The following LRRC49 variants were observed in gnomAD, a reference collection of about 807,000 sequenced individuals.
LRRC49 encodes the protein leucine rich repeat containing 49, also known as leucine-rich repeat-containing protein 49.
In LRRC49, 50 loss-of-function variants were observed where a neutral mutation model predicts 83.3. The ratio of observed to expected loss-of-function variants is 0.60; its 90% confidence interval spans 0.48 to 0.76. The LOEUF (loss-of-function observed/expected upper bound fraction) is 0.76, where lower values mean the gene tolerates loss of function less well. Ranked by LOEUF, LRRC49 falls within the 30% of genes least tolerant of loss-of-function variation. The probability of loss-of-function intolerance (pLI) is 0.00; values close to 1 mark genes in which losing one functional copy is unlikely to be tolerated. For synonymous variants in LRRC49, 286 were observed against 283.3 expected, an observed-to-expected ratio of 1.01 and a Z score of -0.10; for missense variants, 704 against 809.1, an observed-to-expected ratio of 0.87 and a Z score of 1.58.
At chr15:70,947,936 C>T (rs889803212) in intron 8 of LRRC49, among the ~76,000 whole-genome samples, 2 of 152,106 alleles carry the variant, frequency 1.3e-5, no homozygotes, top group African/African-American at 4.8e-5. Context: ...AATGGGTTTA[C>T]TACAGGAAAG....
rs528241300 is a variant in LRRC49 at position 70,936,384 on chromosome 15, C to A, written c.712-377C>A. 38 of 167,652 alleles carry A rather than the reference C, an allele frequency of 2.3e-4. No individual in the cohort carries two copies. In the South Asian group the frequency reaches 7.4e-3, roughly 33 times the overall value. The allele number at this position is 167,652 out of a possible 1,614,324, so 10.4% of individuals were successfully genotyped here. On this transcript the variant is annotated intron_variant, in intron 7 of 15. Transcript: ENST00000260382. ...AATTGTATAAATTTAAATGTTAAAGCTTTTGAATGGCTTCTTTTTAACAGT... is the reference window on the plus strand; with the variant it reads ...AATTGTATAAATTTAAATGTTAAAGATTTTGAATGGCTTCTTTTTAACAGT...
chr15:70,914,680 A>G (rs2034689419), intron 6 of LRRC49, among the ~76,000 whole-genome samples: 1 of 152,202 alleles, frequency 6.6e-6, no homozygotes, highest in African/African-American at 2.4e-5. Context: ...AGGAATTTCT[A>G]ACCTAGAGCT....
intron 11 of LRRC49, among the ~76,000 whole-genome samples, chr15:70,993,542 T>G (rs556341152): frequency 5.9e-5 from 9 of 152,334 alleles, no homozygotes; most frequent in African/African-American, 2.2e-4. Context: ...GTGTCAAGAA[T>G]AAAAATTCTA....
chr15:70,867,391 G>T (rs1175393493), intron 1 of LRRC49, among the ~76,000 whole-genome samples: 3 of 152,110 alleles, frequency 2.0e-5, no homozygotes, highest in Non-Finnish European at 4.4e-5. Flanking sequence ...TCACATCAGG[G>T]TGAAGAAGAC....
intron 1 of LRRC49, chr15:70,859,827 G>A (rs1376608345): frequency 2.1e-5 from 16 of 760,852 alleles, no homozygotes; most frequent in South Asian, 4.0e-5. Flanking sequence ...TGGCAGCTGC[G>A]TGAGTACCAG....
rs149075960 is a variant in LRRC49 at position 70,921,297 on chromosome 15, T to C, written c.711+2104T>C. ...ACTGCCATTTCTTTTTTCCCTCTGA[T>C]TCTTATGTAGAGGTGGTTAATAATC... is the stretch of plus-strand genomic sequence containing the variant. On this transcript the variant is annotated intron_variant, in intron 7 of 15. Transcript: ENST00000260382. 3.9e-5 allele frequency among the ~76,000 whole-genome samples: 6 copies of C among 152,304 alleles called. No homozygotes were observed. The East Asian group carries it at 1.2e-3, about 29-fold the overall frequency.
intron 2 of LRRC49, chr15:70,894,474 C>A: frequency 2.7e-6 from 1 of 368,688 alleles, no homozygotes; most frequent in Non-Finnish European, 4.9e-6. Context: ...GATTATTTCC[C>A]CATAATGTCT....
intron 9 of LRRC49, among the ~76,000 whole-genome samples, chr15:70,971,014 G>A (rs1157229302): frequency 6.6e-6 from 1 of 151,954 alleles, no homozygotes; most frequent in African/African-American, 2.4e-5. Context: ...GTTATTTCTT[G>A]TCTTCTACTA....
chr15:70,897,590 G>A (rs2033890670), intron 3 of LRRC49, among the ~76,000 whole-genome samples: 1 of 152,130 alleles, frequency 6.6e-6, no homozygotes. Flanking sequence ...ATCAGGAAAA[G>A]TTTAGGGATG....
chr15:70,898,379 A>G (rs1160956763), intron 3 of LRRC49: 1 of 700,820 alleles, frequency 1.4e-6, no homozygotes, highest in East Asian at 2.7e-5. Flanking sequence ...TTTACCAAGA[A>G]TATAAAGAAT....
intron 3 of LRRC49, among the ~76,000 whole-genome samples, chr15:70,897,666 C>G (rs1267188799): frequency 6.6e-6 from 1 of 152,094 alleles, no homozygotes; most frequent in East Asian, 1.9e-4. Flanking sequence ...TCTTATTTTT[C>G]AAAATTAATC....
chr15:70,863,243 A>T (rs2141070772), intron 1 of LRRC49, among the ~76,000 whole-genome samples: 1 of 152,352 alleles, frequency 6.6e-6, no homozygotes, highest in Non-Finnish European at 1.5e-5. Context: ...AATGAGTCAT[A>T]TCTCTGAAGA....
intron 15 of LRRC49, among the ~76,000 whole-genome samples, chr15:71,045,459 C>T (rs1252688367): frequency 6.6e-6 from 1 of 152,058 alleles, no homozygotes; most frequent in Non-Finnish European, 1.5e-5. Flanking sequence ...TATGCTTCTG[C>T]CTAAATAATT....
intron 8 of LRRC49, among the ~76,000 whole-genome samples, chr15:70,955,957 C>A (rs1021972707): frequency 1.3e-5 from 2 of 152,128 alleles, no homozygotes; most frequent in Admixed American, 1.3e-4. Context: ...TGTTCCATTT[C>A]ACTTCAGCCC....
chr15:71,047,045 G>A (rs958267599), intron 15 of LRRC49, among the ~76,000 whole-genome samples: 17 of 152,190 alleles, frequency 1.1e-4, no homozygotes, highest in African/African-American at 3.6e-4. Flanking sequence ...TCCATTGGTC[G>A]ATGTATCTGT....
At chr15:71,029,163 T>C (rs1481466376) in intron 14 of LRRC49, among the ~76,000 whole-genome samples, 4 of 152,220 alleles carry the variant, frequency 2.6e-5, no homozygotes, top group African/African-American at 4.8e-5. Context: ...TCTCATTGGT[T>C]TTAAAGAACT....
chr15:70,922,198 G>C (rs886363329), intron 7 of LRRC49, among the ~76,000 whole-genome samples: 3 of 152,156 alleles, frequency 2.0e-5, no homozygotes, highest in Admixed American at 6.6e-5. Flanking sequence ...AAGAAAGGAA[G>C]TCAGGACATG....
At chr15:70,909,026 G>A (rs2034435551) in intron 5 of LRRC49, among the ~76,000 whole-genome samples, 1 of 152,166 alleles carries the variant, frequency 6.6e-6, no homozygotes, top group South Asian at 2.1e-4. Context: ...GTGAGGCCCT[G>A]GTGGAATTCT....
At chr15:70,998,735 A>T (rs2038158297) in intron 11 of LRRC49, among the ~76,000 whole-genome samples, 1 of 149,540 alleles carries the variant, frequency 6.7e-6, no homozygotes, top group African/African-American at 2.5e-5. Flanking sequence ...CAAATTTGGG[A>T]AGTTTCTGGC....
Sources: gnomAD v4.1 joint callset for allele counts (sites outside exome capture counted in the v4.1 genomes callset) on GRCh38, gnomAD v4.1.1 for gene constraint, MANE v1.5 for transcripts, NCBI Gene and HGNC (gene_info 2026-07-23, HGNC 2026-07-21) for gene names.